Variants in GPC3 observed in about 807,000 individuals in gnomAD.
GPC3 encodes glypican 3, also known as glypican-3.
GPC3 carries 3 observed loss-of-function variants against 34.4 expected under a neutral mutation model. The observed-to-expected ratio is 0.09, with a 90% confidence interval of 0.04 to 0.23. GPC3 has a LOEUF of 0.23. Ranked by LOEUF, GPC3 falls within the 10% of genes least tolerant of loss-of-function variation. The pLI is 1.00. For synonymous variants in GPC3, 177 were observed against 174.0 expected (o/e 1.02, Z -0.13); for missense variants, 351 against 445.6 (o/e 0.79, Z 1.91).
At chrX:133,575,436 A>T (rs1398502152) in intron 7 of GPC3, among the ~76,000 whole-genome samples, 2 of 112,089 alleles carry the variant, frequency 1.8e-5, no homozygotes, top group Non-Finnish European at 3.8e-5. Flanking sequence ...TTCCCATAAC[A>T]TGCAATTCTC....
At chrX:133,772,467 G>A (rs1457444566) in intron 2 of GPC3, among the ~76,000 whole-genome samples, 3 of 111,472 alleles carry the variant, frequency 2.7e-5, no homozygotes, top group Non-Finnish European at 5.7e-5. Flanking sequence ...CTGGAATCAC[G>A]TCTCTTTCAT....
At chrX:133,868,045 A>G (rs781380541) in intron 2 of GPC3, among the ~76,000 whole-genome samples, 2 of 110,651 alleles carry the variant, frequency 1.8e-5, no homozygotes, top group South Asian at 8.0e-4. Context: ...GTGTGACCCA[A>G]TTCTTCTGGG....
chrX:133,536,251 C>G lies in GPC3; in HGVS notation c.1616G>C (p.Ser539Thr), dbSNP rs137858712. ...DLDVDDAPGN[S>T]QQATPKDNEI... The stretch of plus-strand genomic sequence containing the variant: ...GTTGTCCTTCGGAGTTGCCTGCTGA[C>G]TGTTTCCAGGCGCATCATCCACATC... The change falls in exon 8 of 8, where the codon AGT (serine) becomes ACT (threonine). Residue 539 changes from serine (S) to threonine (T), a missense_variant. By Grantham distance (58) the Ser-to-Thr change is moderately conservative (BLOSUM62 1). Coordinates refer to ENST00000370818, the MANE Select transcript of GPC3 (RefSeq NM_004484.4). 1.9e-5 allele frequency: 23 copies of G among 1,203,640 alleles called. No homozygotes were observed. The highest frequency in any genetic ancestry group is 2.4e-5 in the Non-Finnish European group (21 of 890,669).
intron 3 of GPC3, among the ~76,000 whole-genome samples, chrX:133,714,818 G>A (rs1027918003): frequency 9.0e-6 from 1 of 111,553 alleles, no homozygotes. Context: ...TAGGAACAGT[G>A]AGCGTTGTGG....
chrX:133,727,577 C>T (rs1402780201), intron 3 of GPC3, among the ~76,000 whole-genome samples: 1 of 110,864 alleles, frequency 9.0e-6, no homozygotes, highest in Non-Finnish European at 1.9e-5. Flanking sequence ...TATGTGGCAA[C>T]TTTTAACATA....
intron 2 of GPC3, among the ~76,000 whole-genome samples, chrX:133,952,507 C>T (rs777611005): frequency 1.4e-4 from 16 of 112,105 alleles, no homozygotes; most frequent in African/African-American, 4.9e-4. Flanking sequence ...ATTTCCTACC[C>T]GTTCTGGCAA....
At position 133,830,983 on chromosome X, in the gene GPC3, C is replaced by A. The variant is rs1292778624; in HGVS notation, c.338-76807G>T. Among the ~76,000 whole-genome samples, 5 of 106,482 alleles carry A rather than the reference C, an allele frequency of 4.7e-5. 1 individual carries two copies. The East Asian group carries it at 1.4e-3, about 31-fold the overall frequency. The allele number at this position is 106,482 out of a possible 115,157, so 92.5% of individuals were successfully genotyped here. ...CATGTGATGGATCTCCAAAGGCATA[C>A]TGAGTGAAAAAAAAAGCCAATCTCA... On this transcript the variant is annotated intron_variant, in intron 2 of 7. Coordinates refer to ENST00000370818, the MANE Select transcript of GPC3 (RefSeq NM_004484.4).
intron 2 of GPC3, among the ~76,000 whole-genome samples, chrX:133,805,667 T>C (rs926802553): frequency 6.2e-5 from 7 of 112,114 alleles, no homozygotes; most frequent in Non-Finnish European, 1.1e-4. Context: ...TTTCTAAGAT[T>C]CAGTGTTTTC....
chrX:133,815,386 G>A lies in GPC3; in HGVS notation c.338-61210C>T, dbSNP rs143368877. Among the ~76,000 whole-genome samples the A allele has an allele frequency of 2.0e-3, 225 of 110,767 alleles. 5 individuals carry two copies. The East Asian group carries it at 0.055, about 27-fold the overall frequency. On this transcript the variant is annotated intron_variant, in intron 2 of 7. Transcript: ENST00000370818. ...ACTTCTAGTAAGTGGCTTGGGAACA[G>A]ATCTTGTAGAACTTATCCTTGCATT...
intron 2 of GPC3, among the ~76,000 whole-genome samples, chrX:133,837,933 A>AG (rs2075807104): frequency 8.9e-6 from 1 of 112,388 alleles, no homozygotes; most frequent in Non-Finnish European, 1.9e-5. Flanking sequence ...ATTATACAAA[A>AG]GGAATATAAT....
chrX:133,972,823 A>G lies in GPC3; in HGVS notation c.175+12452T>C, dbSNP rs1336103310. On this transcript the variant is annotated intron_variant, in intron 1 of 7. Coordinates refer to ENST00000370818, the MANE Select transcript of GPC3 (RefSeq NM_004484.4). ...ACCAGAAATATAGAACGTTAAGGAG[A>G]GGCAGGTTTGTGTGGATGGGAAAAG... Among the ~76,000 whole-genome samples, 4 of 111,549 alleles carry G rather than the reference A, an allele frequency of 3.6e-5. No individual in the cohort carries two copies. The Admixed American group carries it at 3.8e-4, about 11-fold the overall frequency.
chrX:133,857,693 C>G (rs904034965), intron 2 of GPC3, among the ~76,000 whole-genome samples: 1 of 111,964 alleles, frequency 8.9e-6, no homozygotes, highest in African/African-American at 3.2e-5. Flanking sequence ...CACCAACATA[C>G]AAATGAGCTG....
At chrX:133,879,755 G>A (rs953787332) in intron 2 of GPC3, among the ~76,000 whole-genome samples, 2 of 108,903 alleles carry the variant, frequency 1.8e-5, no homozygotes, top group African/African-American at 6.7e-5. Flanking sequence ...GCAGTGAGCT[G>A]AGATTGTGCC....
intron 3 of GPC3, among the ~76,000 whole-genome samples, chrX:133,751,196 C>T (rs1456780300): frequency 9.0e-6 from 1 of 111,114 alleles, no homozygotes; most frequent in Non-Finnish European, 1.9e-5. Flanking sequence ...CAGAGGCAAC[C>T]TTTGAACACT....
At chrX:133,767,920 A>G (rs1255371994) in intron 2 of GPC3, among the ~76,000 whole-genome samples, 2 of 103,823 alleles carry the variant, frequency 1.9e-5, no homozygotes, top group Admixed American at 1.1e-4. Flanking sequence ...AGTTGTATGT[A>G]CGTGTGTGTT....
chrX:133,947,042 A>G (rs2124631519), intron 2 of GPC3, among the ~76,000 whole-genome samples: 1 of 112,082 alleles, frequency 8.9e-6, no homozygotes, highest in African/African-American at 3.2e-5. Flanking sequence ...TCATTACTCC[A>G]ATATCAGGTA....
At chrX:133,834,676 G>C in intron 2 of GPC3, among the ~76,000 whole-genome samples, 1 of 112,005 alleles carries the variant, frequency 8.9e-6, no homozygotes, top group Non-Finnish European at 1.9e-5. Flanking sequence ...TATCAGGACT[G>C]TATTATTTCA....
At chrX:133,791,413 C>T (rs918438684) in intron 2 of GPC3, among the ~76,000 whole-genome samples, 1 of 111,868 alleles carries the variant, frequency 8.9e-6, no homozygotes, top group African/African-American at 3.2e-5. Context: ...TGCATTTAGA[C>T]ATTAAGCTCC....
At chrX:133,548,422 AAATC>A (rs1291394847) in intron 7 of GPC3, among the ~76,000 whole-genome samples, 1 of 111,383 alleles carries the variant, frequency 9.0e-6, no homozygotes, top group African/African-American at 3.3e-5. Flanking sequence ...ATAAATAAAT[AAATC>A]AATAAATAAA....
Sources: gnomAD v4.1 joint callset for allele counts (sites outside exome capture counted in the v4.1 genomes callset) on GRCh38, gnomAD v4.1.1 for gene constraint, MANE v1.5 for transcripts, NCBI Gene and HGNC (gene_info 2026-07-23, HGNC 2026-07-21) for gene names.